FARS2: variants seen among roughly 807,000 people sequenced by gnomAD.
FARS2 encodes the protein phenylalanyl-tRNA synthetase 2, mitochondrial.
A neutral mutation model predicts 46.4 loss-of-function variants in FARS2; 40 were observed. The ratio of observed to expected loss-of-function variants is 0.86; its 90% confidence interval spans 0.67 to 1.12. The LOEUF is 1.12. Ranked by LOEUF, FARS2 falls within the 50% of genes most tolerant of loss-of-function variation. The pLI is 0.00. For synonymous variants in FARS2, 234 were observed against 214.9 expected, an observed-to-expected ratio of 1.09 and a Z score of -0.78; for missense variants, 513 against 567.9, an observed-to-expected ratio of 0.90 and a Z score of 0.98.
chr6:5,489,326 C>T (rs58333739), intron 4 of FARS2, among the ~76,000 whole-genome samples: 32,176 of 151,908 alleles, frequency 0.21, 3,528 homozygotes, highest in East Asian at 0.36. Flanking sequence ...TGATGGTGCA[C>T]GCCTGTAGGC....
intron 6 of FARS2, among the ~76,000 whole-genome samples, chr6:5,658,942 C>G (rs150129191): frequency 1.3e-5 from 2 of 152,352 alleles, no homozygotes; most frequent in Non-Finnish European, 2.9e-5. Flanking sequence ...TGCCAGGCGC[C>G]CCAACACGAA....
chr6:5,440,432 G>T (rs1763777277), intron 4 of FARS2, among the ~76,000 whole-genome samples: 1 of 152,126 alleles, frequency 6.6e-6, no homozygotes, highest in Non-Finnish European at 1.5e-5. Flanking sequence ...CATGTTGATG[G>T]GTTGTTGACA....
At chr6:5,583,529 C>T (rs1434696069) in intron 5 of FARS2, among the ~76,000 whole-genome samples, 1 of 152,344 alleles carries the variant, frequency 6.6e-6, no homozygotes, top group East Asian at 1.9e-4. Context: ...AAATTGTTCC[C>T]TAACAGAAAC....
upstream of FARS2, chr6:5,261,020 G>A: frequency 9.8e-7 from 1 of 1,021,260 alleles, no homozygotes; most frequent in Non-Finnish European, 1.2e-6. Context: ...CCCGCCCGGA[G>A]GCTCGGGACC....
At chr6:5,323,288 A>G (rs1284639098) in intron 1 of FARS2, among the ~76,000 whole-genome samples, 5 of 152,076 alleles carry the variant, frequency 3.3e-5, no homozygotes, top group Admixed American at 1.3e-4. Flanking sequence ...TCCATAATTT[A>G]TTTATTTTAA....
At chr6:5,711,593 C>T (rs1304521484) in intron 6 of FARS2, among the ~76,000 whole-genome samples, 8 of 151,978 alleles carry the variant, frequency 5.3e-5, no homozygotes, top group South Asian at 4.1e-4. Context: ...TCAACCTCTG[C>T]GATCTTCCAC....
At chr6:5,302,680 T>C (rs1000940294) in intron 1 of FARS2, among the ~76,000 whole-genome samples, 1 of 152,174 alleles carries the variant, frequency 6.6e-6, no homozygotes, top group African/African-American at 2.4e-5. Context: ...AACCAGGCAG[T>C]GTGGCTTCGG....
rs117831351 is a variant in FARS2 at position 5,370,601 on chromosome 6, C to T, written c.612+1419C>T. On this transcript the variant is annotated intron_variant, in intron 2 of 6. Transcript: ENST00000274680. ...CAGACAGGTGCTCAGCCCAGCTTAC[C>T]TCATTAAAGAAATAAGAAAGGACTG... Among the ~76,000 whole-genome samples, 145 of 152,166 alleles carry T rather than the reference C, an allele frequency of 9.5e-4. 2 individuals are homozygous for T. In the East Asian group the frequency reaches 0.027, roughly 28 times the overall value.
intron 5 of FARS2, among the ~76,000 whole-genome samples, chr6:5,604,525 C>T (rs988936573): frequency 6.6e-6 from 1 of 152,094 alleles, no homozygotes; most frequent in Non-Finnish European, 1.5e-5. Flanking sequence ...CACTACCAGG[C>T]CCTCGGCGGA....
chr6:5,349,470 C>G (rs1288580445), intron 1 of FARS2, among the ~76,000 whole-genome samples: 2 of 152,042 alleles, frequency 1.3e-5, no homozygotes, highest in African/African-American at 4.8e-5. Flanking sequence ...TTACAAACAT[C>G]CTCGATGATA....
intron 3 of FARS2, among the ~76,000 whole-genome samples, chr6:5,428,082 C>T (rs554158605): frequency 3.3e-5 from 5 of 152,286 alleles, no homozygotes; most frequent in Middle Eastern, 3.4e-3. Flanking sequence ...TCTGCGGAGA[C>T]GCGGCTTCCT....
intron 5 of FARS2, among the ~76,000 whole-genome samples, chr6:5,584,070 C>G (rs1773478235): frequency 6.6e-6 from 1 of 151,104 alleles, no homozygotes; most frequent in Non-Finnish European, 1.5e-5. Context: ...CTCCCCTTAG[C>G]TAGCTCCCCC....
chr6:5,761,099 C>T (rs1287835281), intron 6 of FARS2, among the ~76,000 whole-genome samples: 3 of 152,184 alleles, frequency 2.0e-5, no homozygotes. Flanking sequence ...GGACTGAGCT[C>T]CTTGCTCTCC....
intron 5 of FARS2, among the ~76,000 whole-genome samples, chr6:5,601,167 C>T (rs1333983725): frequency 6.6e-6 from 1 of 152,130 alleles, no homozygotes; most frequent in Non-Finnish European, 1.5e-5. Flanking sequence ...GTTCAAGCCA[C>T]CGAGTCTGTG....
chr6:5,675,199 G>GACACACACACACAC (rs3057239), intron 6 of FARS2, among the ~76,000 whole-genome samples: 1 of 144,954 alleles, frequency 6.9e-6, no homozygotes, highest in African/African-American at 2.6e-5. Context: ...TTTGCAGATA[G>GACACACACACACAC]ACACACACAC....
chr6:5,748,246 T>A (rs1451595565), intron 6 of FARS2, among the ~76,000 whole-genome samples: 1 of 152,150 alleles, frequency 6.6e-6, no homozygotes, highest in African/African-American at 2.4e-5. Flanking sequence ...CCCCTTTCTT[T>A]GTGGTTGGCC....
intron 6 of FARS2, among the ~76,000 whole-genome samples, chr6:5,710,528 G>A (rs545042858): frequency 1.3e-5 from 2 of 152,084 alleles, no homozygotes; most frequent in South Asian, 4.1e-4. Flanking sequence ...GACAGCGATG[G>A]AGGTGAGCCC....
At chr6:5,729,371 G>T (rs1226101655) in intron 6 of FARS2, among the ~76,000 whole-genome samples, 1 of 152,152 alleles carries the variant, frequency 6.6e-6, no homozygotes, top group East Asian at 1.9e-4. Context: ...CAGAGGCGAG[G>T]CTCAGAGCCT....
At chr6:5,746,310 A>G (rs1761637245) in intron 6 of FARS2, among the ~76,000 whole-genome samples, 1 of 152,046 alleles carries the variant, frequency 6.6e-6, no homozygotes, top group Admixed American at 6.5e-5. Flanking sequence ...GATTTTAAAG[A>G]GCGTGTGTCT....
Sources: gnomAD v4.1 joint callset for allele counts (sites outside exome capture counted in the v4.1 genomes callset) on GRCh38, gnomAD v4.1.1 for gene constraint, MANE v1.5 for transcripts, NCBI Gene and HGNC (gene_info 2026-07-23, HGNC 2026-07-21) for gene names.